The following GNA14 variants were observed in gnomAD, a reference collection of about 807,000 sequenced individuals.
GNA14 encodes the protein G protein subunit alpha 14, also known as guanine nucleotide-binding protein subunit alpha-14.
GNA14 carries 50 observed loss-of-function variants against 42.0 expected under a neutral mutation model. The ratio of observed to expected loss-of-function variants is 1.19; its 90% confidence interval spans 0.95 to 1.51. GNA14 has a LOEUF of 1.51. Among genes scored for constraint, GNA14 ranks in the 40% most tolerant of loss-of-function variants. GNA14 has a pLI of 0.00. For missense variants in GNA14, 473 were observed against 446.2 expected (o/e 1.06, Z -0.54); for synonymous variants, 173 against 163.1 (o/e 1.06, Z -0.46).
At chr9:77,465,730 C>T (rs1394228150) in intron 2 of GNA14, among the ~76,000 whole-genome samples, 1 of 152,060 alleles carries the variant, frequency 6.6e-6, no homozygotes, top group Non-Finnish European at 1.5e-5. Context: ...CTCAGCCTCC[C>T]AAGTAGGTGG....
chr9:77,601,986 A>C (rs1455922599), intron 1 of GNA14, among the ~76,000 whole-genome samples: 1 of 152,224 alleles, frequency 6.6e-6, no homozygotes, highest in African/African-American at 2.4e-5. Flanking sequence ...TCAGTCCTGC[A>C]TCATGTTTTA....
chr9:77,562,508 A>T (rs1397861789), intron 1 of GNA14, among the ~76,000 whole-genome samples: 1 of 152,164 alleles, frequency 6.6e-6, no homozygotes, highest in Non-Finnish European at 1.5e-5. Context: ...CTGATCCAGT[A>T]ATCTATGTGA....
At position 77,425,730 on chromosome 9, in the gene GNA14, AG is replaced by A. The variant is rs771080036; in HGVS notation, c.724-16del. ...TCCATGCGATTCTAAGTGAAAAACA[AG>A]GGACTTGGGATGAAGTAGAAAGGAA... On this transcript the variant is annotated splice_polypyrimidine_tract_variant and intron_variant, in intron 5 of 6. Coordinates refer to ENST00000341700, the MANE Select transcript of GNA14 (RefSeq NM_004297.4). 1 of 1,579,440 alleles carries A rather than the reference AG, an allele frequency of 6.3e-7. No homozygotes were observed. The highest frequency in any genetic ancestry group is 1.8e-5 in the Admixed American group (1 of 54,122).
chr9:77,488,994 A>T (rs1836708855), intron 2 of GNA14, among the ~76,000 whole-genome samples: 2 of 152,130 alleles, frequency 1.3e-5, no homozygotes, highest in South Asian at 4.1e-4. Flanking sequence ...AGAATTCAAA[A>T]TGGCAGTTTT....
chr9:77,514,181 A>G (rs1216926563), intron 2 of GNA14, among the ~76,000 whole-genome samples: 1 of 152,154 alleles, frequency 6.6e-6, no homozygotes, highest in Non-Finnish European at 1.5e-5. Flanking sequence ...CAATGGCCAA[A>G]TATTTCTTTG....
chr9:77,559,740 T>C (rs751381374), intron 1 of GNA14, among the ~76,000 whole-genome samples: 16 of 152,230 alleles, frequency 1.1e-4, no homozygotes, highest in Non-Finnish European at 1.8e-4. Context: ...CAACCTGATA[T>C]ATGTGCATTC....
Position 77,423,987 on chromosome 9 carries a change from G to T in GNA14, c.1060C>A (p.Leu354Ile). 6.3e-7 allele frequency: 1 copy of T among 1,586,016 alleles called. No individual in the cohort carries two copies. Among genetic ancestry groups the T allele is most frequent in the Non-Finnish European group, 8.6e-7 (1 of 1,163,274 alleles). ...GGAGTGGGCAGCAGCTTTTAGACAA[G>T]GTTGAATTCCCTTAGGTTTAGCTGT... Reference protein sequence around the residue: ...ILQLNLREFNLV With the variant: ...ILQLNLREFNIV Residue 354 changes from leucine to isoleucine, a missense_variant, in exon 7 of 7, where the codon CTT (leucine) becomes ATT (isoleucine). Leu to Ile is a conservative substitution (Grantham distance 5). Transcript: ENST00000341700.
chr9:77,434,249 G>T, intron 3 of GNA14, 119 bp downstream of exon 3: 9 of 908,514 alleles, frequency 9.9e-6, no homozygotes, highest in Non-Finnish European at 1.5e-5. Flanking sequence ...GGAAAGCAAA[G>T]GCAAGTAGCG....
intron 2 of GNA14, among the ~76,000 whole-genome samples, chr9:77,471,577 G>A (rs1232922483): frequency 6.6e-6 from 1 of 152,206 alleles, no homozygotes; most frequent in East Asian, 1.9e-4. Flanking sequence ...CACAGAGGAA[G>A]AGCAATCTGA....
chr9:77,631,323 A>T (rs754168545), intron 1 of GNA14, among the ~76,000 whole-genome samples: 1 of 152,154 alleles, frequency 6.6e-6, no homozygotes, highest in Admixed American at 6.5e-5. Context: ...CCATCATCAC[A>T]TGGCCACAAT....
At chr9:77,566,105 C>G (rs935451054) in intron 1 of GNA14, among the ~76,000 whole-genome samples, 2 of 151,488 alleles carry the variant, frequency 1.3e-5, no homozygotes, top group Non-Finnish European at 2.9e-5. Context: ...GTTGAGAAAC[C>G]CAGTTAAGCA....
At chr9:77,611,025 A>C (rs2117944266) in intron 1 of GNA14, among the ~76,000 whole-genome samples, 1 of 152,264 alleles carries the variant, frequency 6.6e-6, no homozygotes, top group East Asian at 1.9e-4. Flanking sequence ...AAAGATAGGA[A>C]GTAAGTAGGT....
intron 2 of GNA14, among the ~76,000 whole-genome samples, chr9:77,503,612 T>C (rs1249206179): frequency 1.3e-5 from 2 of 151,878 alleles, no homozygotes; most frequent in Admixed American, 1.3e-4. Flanking sequence ...GAAATACAAC[T>C]AATACCTAAG....
chr9:77,625,854 C>A (rs1435377740), intron 1 of GNA14, among the ~76,000 whole-genome samples: 8 of 152,140 alleles, frequency 5.3e-5, no homozygotes, highest in Non-Finnish European at 1.0e-4. Flanking sequence ...CAGCTAGCAT[C>A]ATAATGACAG....
At chr9:77,535,887 GT>G (rs1564047048) in intron 1 of GNA14, among the ~76,000 whole-genome samples, 2 of 13,896 alleles carry the variant, frequency 1.4e-4, no homozygotes, top group East Asian at 1.7e-3. Context: ...CAGTTTAGTT[GT>G]TTTGTTTTTT....
chr9:77,460,700 C>G (rs1836088381), intron 2 of GNA14, among the ~76,000 whole-genome samples: 1 of 151,932 alleles, frequency 6.6e-6, no homozygotes, highest in African/African-American at 2.4e-5. Flanking sequence ...AATGAAGGGG[C>G]CAAAAAAGCA....
chr9:77,553,060 A>G (rs1837805081), intron 1 of GNA14, among the ~76,000 whole-genome samples: 4 of 152,208 alleles, frequency 2.6e-5, no homozygotes, highest in Non-Finnish European at 5.9e-5. Flanking sequence ...CCAGGAAAAA[A>G]GGCACATCAA....
chr9:77,496,931 T>C (rs1396993560), intron 2 of GNA14, among the ~76,000 whole-genome samples: 3 of 152,184 alleles, frequency 2.0e-5, no homozygotes, highest in Non-Finnish European at 2.9e-5. Flanking sequence ...GATAACAACA[T>C]TGAACAGTAT....
At chr9:77,502,261 C>G (rs1255248573) in intron 2 of GNA14, among the ~76,000 whole-genome samples, 1 of 152,124 alleles carries the variant, frequency 6.6e-6, no homozygotes, top group Non-Finnish European at 1.5e-5. Context: ...TACTAACATC[C>G]CTGCCACCTT....
Sources: allele counts gnomAD v4.1 joint callset (sites outside exome capture counted in the v4.1 genomes callset), GRCh38; gene constraint gnomAD v4.1.1; transcripts MANE v1.5; gene names NCBI Gene and HGNC (gene_info 2026-07-23, HGNC 2026-07-21).